LHFPL2: variants seen among roughly 807,000 people sequenced by gnomAD.
LHFPL2 encodes the protein LHFPL tetraspan subfamily member 2, also known as LHFPL tetraspan subfamily member 2 protein.
A neutral mutation model predicts 17.5 loss-of-function variants in LHFPL2; 7 were observed. That is an observed-to-expected ratio of 0.40 (90% CI 0.23 to 0.75). LHFPL2 has a LOEUF of 0.75. LHFPL2 is among the 30% of genes least tolerant of loss of function. The pLI is 0.37. For missense variants in LHFPL2, 241 were observed against 294.8 expected (o/e 0.82, Z 1.34); for synonymous variants, 134 against 116.2 (o/e 1.15, Z -0.99).
intron 1 of LHFPL2, among the ~76,000 whole-genome samples, chr5:78,638,900 G>A (rs928856002): frequency 2.0e-5 from 3 of 152,182 alleles, no homozygotes; most frequent in Non-Finnish European, 2.9e-5. Flanking sequence ...CATGATCAAG[G>A]TTTCAAAAAT....
intron 2 of LHFPL2, among the ~76,000 whole-genome samples, chr5:78,575,098 C>A (rs781361584): frequency 2.6e-5 from 4 of 152,214 alleles, no homozygotes; most frequent in African/African-American, 4.8e-5. Context: ...ATAAAACAGG[C>A]TGCTCAGCTG....
At chr5:78,578,720 T>A (rs894795071) in intron 2 of LHFPL2, among the ~76,000 whole-genome samples, 6 of 152,204 alleles carry the variant, frequency 3.9e-5, no homozygotes, top group Admixed American at 1.3e-4. Context: ...AATGAATGAC[T>A]TGACTTTGCT....
chr5:78,637,747 G>A (rs562864760), intron 1 of LHFPL2, among the ~76,000 whole-genome samples: 3 of 152,310 alleles, frequency 2.0e-5, no homozygotes, highest in South Asian at 4.1e-4. Context: ...GAAGCATCAC[G>A]GAGAGAGCTT....
At chr5:78,580,296 G>T (rs1743070751) in intron 2 of LHFPL2, among the ~76,000 whole-genome samples, 1 of 152,154 alleles carries the variant, frequency 6.6e-6, no homozygotes, top group Non-Finnish European at 1.5e-5. Flanking sequence ...TTTGTAGGTT[G>T]CCTGTTCACA....
chr5:78,532,048 CTGAG>C (rs1244849747), intron 3 of LHFPL2, among the ~76,000 whole-genome samples: 1 of 152,080 alleles, frequency 6.6e-6, no homozygotes, highest in Admixed American at 6.5e-5. Context: ...CCTCAGCCTC[CTGAG>C]TAACTGGAAT....
At chr5:78,562,626 T>A (rs1756758511) in intron 3 of LHFPL2, among the ~76,000 whole-genome samples, 1 of 142,932 alleles carries the variant, frequency 7.0e-6, no homozygotes. Context: ...CAGAGTGAGA[T>A]TCCACCTCAA....
intron 3 of LHFPL2, among the ~76,000 whole-genome samples, chr5:78,520,604 C>T (rs12189541): frequency 0.47 from 72,134 of 152,094 alleles, 17,398 homozygotes; most frequent in Non-Finnish European, 0.52. Context: ...GGAATGGCAA[C>T]GGACAGCCGT....
intron 2 of LHFPL2, among the ~76,000 whole-genome samples, chr5:78,604,420 C>T (rs777951855): frequency 3.3e-5 from 5 of 152,076 alleles, no homozygotes; most frequent in East Asian, 3.9e-4. Context: ...GAGGTTGCAG[C>T]GAGCTGAGAT....
chr5:78,588,568 G>T (rs1288475172), intron 2 of LHFPL2, among the ~76,000 whole-genome samples: 1 of 152,088 alleles, frequency 6.6e-6, no homozygotes, highest in African/African-American at 2.4e-5. Context: ...AGTTAACAAT[G>T]TACATAGAAG....
intron 2 of LHFPL2, among the ~76,000 whole-genome samples, chr5:78,613,193 G>A (rs1744475848): frequency 6.6e-6 from 1 of 152,182 alleles, no homozygotes; most frequent in Admixed American, 6.5e-5. Context: ...TCTGTTGTGG[G>A]CTTGCTTCTC....
chr5:78,579,322 G>T lies in LHFPL2; in HGVS notation c.-244-14451C>A, dbSNP rs59020503. Reference sequence around the variant, plus strand: ...TTAGTGCTCGCAAGGTTTTTTTTTTGTTGTTGTTGTTGTTTTTCATTTATT... The same window carrying T: ...TTAGTGCTCGCAAGGTTTTTTTTTTTTTGTTGTTGTTGTTTTTCATTTATT... On this transcript the variant is annotated intron_variant, in intron 2 of 4. Coordinates refer to ENST00000380345, the MANE Select transcript of LHFPL2 (RefSeq NM_005779.3). Among the ~76,000 whole-genome samples the T allele has an allele frequency of 1.9e-3, 285 of 150,722 alleles. 5 individuals carry two copies. In the East Asian group the frequency reaches 0.047, roughly 25 times the overall value.
At chr5:78,536,956 T>C (rs886172755) in intron 3 of LHFPL2, among the ~76,000 whole-genome samples, 1 of 152,174 alleles carries the variant, frequency 6.6e-6, no homozygotes, top group Non-Finnish European at 1.5e-5. Context: ...GCCCTGAAGA[T>C]CACAGAAGCG....
chr5:78,624,767 A>T (rs1744970403), intron 2 of LHFPL2: 1 of 152,046 alleles, frequency 6.6e-6, no homozygotes, highest in Non-Finnish European at 1.5e-5. Flanking sequence ...ACCAGCCTAG[A>T]AGTGGCTGTG....
intron 3 of LHFPL2, among the ~76,000 whole-genome samples, chr5:78,541,099 G>A (rs1322215497): frequency 1.3e-5 from 2 of 152,154 alleles, no homozygotes; most frequent in Non-Finnish European, 2.9e-5. Flanking sequence ...AAGATAACTT[G>A]TCCCTTAATT....
intron 3 of LHFPL2, among the ~76,000 whole-genome samples, chr5:78,545,624 C>T (rs530501386): frequency 6.6e-6 from 1 of 152,256 alleles, no homozygotes; most frequent in East Asian, 1.9e-4. Context: ...GCGTGGAGGC[C>T]GATCATTCGA....
intron 2 of LHFPL2, among the ~76,000 whole-genome samples, chr5:78,570,123 T>C (rs977327643): frequency 2.9e-4 from 44 of 152,316 alleles, no homozygotes; most frequent in African/African-American, 1.0e-3. Context: ...CAAAACTAAT[T>C]CTAGCTTACT....
At chr5:78,565,125 C>G (rs1196414758) in intron 2 of LHFPL2, among the ~76,000 whole-genome samples, 1 of 152,130 alleles carries the variant, frequency 6.6e-6, no homozygotes, top group Non-Finnish European at 1.5e-5. Flanking sequence ...TGAACATGTA[C>G]CTAATTACAT....
At chr5:78,566,421 A>G (rs1756860756) in intron 2 of LHFPL2, among the ~76,000 whole-genome samples, 1 of 152,162 alleles carries the variant, frequency 6.6e-6, no homozygotes, top group South Asian at 2.1e-4. Flanking sequence ...ATACAAAAGA[A>G]TTCTGAATTC....
In LHFPL2 at chr5:78,534,190, G is replaced by A. The variant is rs72760983; in HGVS notation, c.-185-23792C>T. Among the ~76,000 whole-genome samples the A allele has an allele frequency of 3.6e-3, 547 of 152,340 alleles. 9 individuals carry two copies. The highest frequency in any genetic ancestry group is 4.6e-3 in the Non-Finnish European group (316 of 68,012). ...AGTCCCCTGGAGTCCCTCCTGGAGG[G>A]ACAGCAGAGGGGGCTCTCAGGAGCC... On this transcript the variant is annotated intron_variant, in intron 3 of 4. Transcript: ENST00000380345.
Sources: allele counts gnomAD v4.1 joint callset (sites outside exome capture counted in the v4.1 genomes callset), GRCh38; gene constraint gnomAD v4.1.1; transcripts MANE v1.5; gene names NCBI Gene and HGNC (gene_info 2026-07-23, HGNC 2026-07-21).